Variants in ZFAND5 observed in about 807,000 individuals in gnomAD.
ZFAND5 encodes AN1-type zinc finger protein 5.
Under a neutral mutation model 23.6 loss-of-function variants are expected in ZFAND5, and 4 were observed. The observed-to-expected ratio is 0.17, with a 90% CI of 0.08 to 0.39. The LOEUF is 0.39. Among genes scored for constraint, ZFAND5 ranks in the 10% least tolerant of loss-of-function variants. ZFAND5 has a pLI of 1.00. For synonymous variants in ZFAND5, 68 were observed against 80.6 expected (o/e 0.84, Z 0.84); for missense variants, 161 against 253.7 (o/e 0.63, Z 2.48).
In ZFAND5 at chr9:72,365,181, A is replaced by G. The variant is rs1056036207; in HGVS notation, c.-632T>C. On this transcript the variant is annotated 5_prime_UTR_variant, in exon 1 of 7. Transcript: ENST00000376962. ...GCGAGCGAGCCCGCGTAGGAGATGCACACAGCTCCGCGTCCCGGCCGACTA... is the reference window on the plus strand; with the variant it reads ...GCGAGCGAGCCCGCGTAGGAGATGCGCACAGCTCCGCGTCCCGGCCGACTA... The G allele has an allele frequency of 1.3e-5, 2 of 152,202 alleles. No homozygotes were observed. The highest frequency in any genetic ancestry group is 2.4e-5 in the African/African-American group (1 of 41,448). 9.4% of individuals were successfully genotyped at this position (152,202 alleles called of 1,614,324 possible).
Position 72,359,400 on chromosome 9 carries a change from A to G in ZFAND5, c.367+18T>C. On this transcript the variant is annotated intron_variant, in intron 5 of 6. Coordinates refer to ENST00000376962, the MANE Select transcript of ZFAND5 (RefSeq NM_001102420.3). ...CTATCAAATTCAGAACTGAACAAGTATTAAATGAAAAACATACCTGGCTCT... is the reference window on the plus strand; with the variant it reads ...CTATCAAATTCAGAACTGAACAAGTGTTAAATGAAAAACATACCTGGCTCT... 6 of 1,609,804 alleles carry G rather than the reference A, an allele frequency of 3.7e-6. No homozygotes were observed. The highest frequency in any genetic ancestry group is 5.1e-6 in the Non-Finnish European group (6 of 1,178,242).
Position 72,354,943 on chromosome 9 carries a change from A to C in ZFAND5, c.*1010T>G, listed in dbSNP as rs1381515387. The C allele has an allele frequency of 6.5e-6, 1 of 152,672 alleles. No homozygotes were observed. Among genetic ancestry groups the C allele is most frequent in the African/African-American group, 2.4e-5 (1 of 41,456 alleles). The allele number at this position is 152,672 out of a possible 1,614,324, so 9.5% of individuals were successfully genotyped here. On this transcript the variant is annotated 3_prime_UTR_variant, in exon 7 of 7. Transcript: ENST00000376962. ...CAATATGATAAAGCAGCCCTCTGCA[A>C]GTGGTGCTGGATACCACTAAGAAGT...
chr9:72,357,151 GAT>G, intron 5 of ZFAND5, 95 bp from the exon 6 acceptor site: 1 of 1,431,000 alleles, frequency 7.0e-7, no homozygotes, highest in Non-Finnish European at 9.4e-7. Flanking sequence ...GAAGATGCCT[GAT>G]AAAAATGTTT....
chr9:72,358,898 TTG>T (rs1842017678), intron 5 of ZFAND5, among the ~76,000 whole-genome samples: 1 of 152,248 alleles, frequency 6.6e-6, no homozygotes, highest in East Asian at 1.9e-4. Flanking sequence ...GCACTTCTGG[TTG>T]TGCTATATAA....
intron 2 of ZFAND5, among the ~76,000 whole-genome samples, chr9:72,362,126 A>C (rs1167476267): frequency 6.6e-6 from 1 of 152,198 alleles, no homozygotes; most frequent in South Asian, 2.1e-4. Context: ...GCTTGTGTGG[A>C]GTGACCAAGA....
At chr9:72,357,298 CAAG>C (rs1467820884) in intron 5 of ZFAND5, among the ~76,000 whole-genome samples, 1 of 152,132 alleles carries the variant, frequency 6.6e-6, no homozygotes, top group Non-Finnish European at 1.5e-5. Context: ...TCGCTTCACT[CAAG>C]AAATTCCTTT....
Position 72,351,863 on chromosome 9 carries a change from C to A in ZFAND5, c.*4090G>T, listed in dbSNP as rs568189745. On this transcript the variant is annotated 3_prime_UTR_variant, in exon 7 of 7. Transcript: ENST00000376962. ...TCTTTTTGTTAACAGCCTGTTGCCTCACCCATGCAAACTCTTCTAGCTAGT... is the reference window on the plus strand; with the variant it reads ...TCTTTTTGTTAACAGCCTGTTGCCTAACCCATGCAAACTCTTCTAGCTAGT... The A allele has an allele frequency of 2.5e-4, 38 of 152,292 alleles. No individual in the cohort carries two copies. The highest frequency in any genetic ancestry group is 9.1e-4 in the African/African-American group (38 of 41,572). The allele number at this position is 152,292 out of a possible 1,614,324, so 9.4% of individuals were successfully genotyped here. A position where few individuals can be genotyped will look rare whatever the true frequency, so the allele number is the denominator to read the frequency against.
Position 72,355,595 on chromosome 9 carries a change from T to C in ZFAND5, c.*358A>G. 6.2e-6 allele frequency: 1 copy of C among 161,388 alleles called. No homozygotes were observed. Among genetic ancestry groups the C allele is most frequent in the Non-Finnish European group, 1.4e-5 (1 of 73,714 alleles). 10.0% of individuals were successfully genotyped at this position (161,388 alleles called of 1,614,324 possible). A position where few individuals can be genotyped will look rare whatever the true frequency, so the allele number is the denominator to read the frequency against. ...ACAGGCACATAACACTAGCCAAAGA[T>C]TATACCTTGATTACATTCCCAAAAG... On this transcript the variant is annotated 3_prime_UTR_variant, in exon 7 of 7. Coordinates refer to ENST00000376962, the MANE Select transcript of ZFAND5 (RefSeq NM_001102420.3).
Position 72,355,462 on chromosome 9 carries a change from C to T in ZFAND5, c.*491G>A, listed in dbSNP as rs1841918107. ...AAGAAGGTCTGATCCTCTTTATGAGCATTTCTTCCTGCTTCCAAAGAATAT... is the reference window on the plus strand; with the variant it reads ...AAGAAGGTCTGATCCTCTTTATGAGTATTTCTTCCTGCTTCCAAAGAATAT... On this transcript the variant is annotated 3_prime_UTR_variant, in exon 7 of 7. Coordinates refer to ENST00000376962, the MANE Select transcript of ZFAND5 (RefSeq NM_001102420.3). The T allele has an allele frequency of 6.5e-6, 1 of 152,756 alleles. No homozygotes were observed. The highest frequency in any genetic ancestry group is 2.4e-5 in the African/African-American group (1 of 41,448). 9.5% of individuals were successfully genotyped at this position (152,756 alleles called of 1,614,324 possible). A position where few individuals can be genotyped will look rare whatever the true frequency, so the allele number is the denominator to read the frequency against.
chr9:72,358,805 A>G (rs1159090507), intron 5 of ZFAND5, among the ~76,000 whole-genome samples: 1 of 152,144 alleles, frequency 6.6e-6, no homozygotes, highest in Non-Finnish European at 1.5e-5. Context: ...AAAATAAGCT[A>G]CGTGCACTAT....
intron 2 of ZFAND5, among the ~76,000 whole-genome samples, chr9:72,362,783 A>G (rs1197350653): frequency 6.6e-6 from 1 of 152,192 alleles, no homozygotes; most frequent in African/African-American, 2.4e-5. Context: ...GCTTGCTTTA[A>G]TATTTCTCAG....
In ZFAND5 at chr9:72,353,166, C is replaced by T. The variant is rs1433217015; in HGVS notation, c.*2787G>A. The T allele has an allele frequency of 2.6e-5, 4 of 152,076 alleles. No homozygotes were observed. The highest frequency in any genetic ancestry group is 4.1e-4 in the South Asian group (2 of 4,828). The allele number at this position is 152,076 out of a possible 1,614,324, so 9.4% of individuals were successfully genotyped here. A position where few individuals can be genotyped will look rare whatever the true frequency, so the allele number is the denominator to read the frequency against. ...TATTTGTCTGCTTATGTAAGGGAAA[C>T]ATGGTATATTATTAAATTGCTTAAT... On this transcript the variant is annotated 3_prime_UTR_variant, in exon 7 of 7. Transcript: ENST00000376962.
At chr9:72,364,275 G>A (rs933079764) in intron 1 of ZFAND5, 1 of 253,796 alleles carries the variant, frequency 3.9e-6, no homozygotes, top group Non-Finnish European at 7.6e-6. Flanking sequence ...CCCGACCCCC[G>A]ACCCCCGACC....
At chr9:72,364,521 G>A (rs1361870067) in intron 1 of ZFAND5, 175 bp downstream of exon 1, 3 of 1,279,934 alleles carry the variant, frequency 2.3e-6, no homozygotes, top group Non-Finnish European at 3.1e-6. Context: ...ACGACAGGAT[G>A]ACGCCTCCGT....
Position 72,354,285 on chromosome 9 carries a change from ACTGC to A in ZFAND5, c.*1664_*1667del, listed in dbSNP as rs1200115484. 1.6e-4 allele frequency: 25 copies of A among 152,254 alleles called. No homozygotes were observed. Among genetic ancestry groups the A allele is most frequent in the Non-Finnish European group, 2.1e-4 (14 of 68,048 alleles). The allele number at this position is 152,254 out of a possible 1,614,324, so 9.4% of individuals were successfully genotyped here. On this transcript the variant is annotated 3_prime_UTR_variant, in exon 7 of 7. Transcript: ENST00000376962. ...TGCCTATTGAATTCTTCAAAAATAA[ACTGC>A]CTATCAGGTATCATACCTGCAAATG...
intron 4 of ZFAND5, 27 bp downstream of exon 4, chr9:72,360,083 T>C: frequency 4.4e-6 from 7 of 1,583,072 alleles, no homozygotes; most frequent in Non-Finnish European, 6.0e-6. Context: ...TGTAATATCA[T>C]AAAAACTCTG....
At chr9:72,361,775 A>G (rs1442776947) in intron 2 of ZFAND5, among the ~76,000 whole-genome samples, 1 of 152,252 alleles carries the variant, frequency 6.6e-6, no homozygotes, top group Non-Finnish European at 1.5e-5. Context: ...AATACATATT[A>G]AAGAAAAATT....
At chr9:72,359,212 G>A (rs910489515) in intron 5 of ZFAND5, among the ~76,000 whole-genome samples, 2 of 151,956 alleles carry the variant, frequency 1.3e-5, no homozygotes, top group African/African-American at 4.8e-5. Context: ...GATGAGCAGA[G>A]AAGAAACTGA....
At chr9:72,364,334 G>A in intron 1 of ZFAND5, 1 of 1,074,902 alleles carries the variant, frequency 9.3e-7, no homozygotes, top group African/African-American at 1.8e-5. Flanking sequence ...CAACGGGCAG[G>A]GGGCGCGGCC....
Sources: allele counts gnomAD v4.1 joint callset (sites outside exome capture counted in the v4.1 genomes callset), GRCh38; gene constraint gnomAD v4.1.1; transcripts MANE v1.5; gene names NCBI Gene and HGNC (gene_info 2026-07-23, HGNC 2026-07-21).